The following VSTM2A variants were observed in gnomAD, a reference collection of about 807,000 sequenced individuals.
The protein encoded by VSTM2A is V-set and transmembrane domain-containing protein 2A.
Under a neutral mutation model 27.3 loss-of-function variants are expected in VSTM2A, and 13 were observed. That is an observed-to-expected ratio of 0.48 (90% CI 0.31 to 0.76). VSTM2A has a LOEUF of 0.76. VSTM2A is among the 30% of genes least tolerant of loss of function. The pLI, the probability that VSTM2A is intolerant of heterozygous loss-of-function variation, is 0.05. For synonymous variants in VSTM2A, 142 were observed against 125.7 expected (o/e 1.13, Z -0.87); for missense variants, 280 against 310.0 (o/e 0.90, Z 0.73).
At chr7:54,553,773 G>A (rs370087436) in intron 4 of VSTM2A, 28 of 1,503,204 alleles carry the variant, frequency 1.9e-5, no homozygotes, top group Admixed American at 6.1e-5. Context: ...GTCCCTCTTC[G>A]CAGAGAACAC....
intron 4 of VSTM2A, chr7:54,553,895 T>G: frequency 6.4e-7 from 1 of 1,551,234 alleles, no homozygotes; most frequent in South Asian, 1.2e-5. Context: ...AAGTCAAACA[T>G]CTCCACAGAC....
chr7:54,569,080 C>G (rs762190004), intron 4 of VSTM2A, 51 bp from the exon 5 acceptor site: 1 of 1,604,202 alleles, frequency 6.2e-7, no homozygotes, highest in Non-Finnish European at 8.5e-7. Flanking sequence ...GGGTGCTTTG[C>G]TTTAATCTAA....
chr7:54,559,489 C>T lies in VSTM2A; in HGVS notation c.634+9319C>T, dbSNP rs557324216. 7 of 152,194 alleles carry T rather than the reference C, an allele frequency of 4.6e-5. No individual in the cohort carries two copies. In the South Asian group the frequency reaches 1.2e-3, roughly 27 times the overall value. 9.4% of individuals were successfully genotyped at this position (152,194 alleles called of 1,614,324 possible). On this transcript the variant is annotated intron_variant, in intron 4 of 4. Transcript: ENST00000402613. The stretch of plus-strand genomic sequence containing the variant: ...TCTTGGCAAAAGTTTTCTAAATCAA[C>T]AAGCATCATAAAGGTTACAGTGAAT...
chr7:54,544,513 G>C (rs1027660878), intron 1 of VSTM2A, 109 bp from the exon 2 acceptor site: 1 of 1,344,912 alleles, frequency 7.4e-7, no homozygotes, highest in Admixed American at 1.8e-5. Context: ...ATGTAAGAGA[G>C]GGGTTTTGTT....
In VSTM2A at chr7:54,544,726, C is replaced by A; in HGVS notation, c.184C>A (p.Gln62Lys). 2 of 1,612,594 alleles carry A rather than the reference C, an allele frequency of 1.2e-6. No individual in the cohort carries two copies. Among genetic ancestry groups the A allele is most frequent in the Non-Finnish European group, 1.7e-6 (2 of 1,179,818 alleles). Reference sequence around the variant, plus strand: ...CTCCGCCTCGGTGTATCTGGAGATCCAATGGTGGTTCCTGCGGGGGCCGGA... The same window carrying A: ...CTCCGCCTCGGTGTATCTGGAGATCAAATGGTGGTTCCTGCGGGGGCCGGA... The part of the protein sequence containing the change: ...SGSASVYLEI[Q>K]WWFLRGPEDL... Residue 62 changes from glutamine to lysine, a missense_variant, in exon 2 of 5, where the codon CAA (glutamine) becomes AAA (lysine). Transcript: ENST00000402613.
In VSTM2A at chr7:54,570,301, A is replaced by G. The variant is rs1385018684; in HGVS notation, c.*1082A>G. On this transcript the variant is annotated 3_prime_UTR_variant, in exon 5 of 5. Transcript: ENST00000402613. The stretch of plus-strand genomic sequence containing the variant: ...CTTGTCAAATAGAAATGTTGCTTCT[A>G]GAAAATTTGCCTAGGAGGCGAATGT... 1 of 152,216 alleles carries G rather than the reference A, an allele frequency of 6.6e-6. No homozygotes were observed. Among genetic ancestry groups the G allele is most frequent in the Non-Finnish European group, 1.5e-5 (1 of 68,030 alleles). 9.4% of individuals were successfully genotyped at this position (152,216 alleles called of 1,614,324 possible).
At chr7:54,569,094 G>A in intron 4 of VSTM2A, 37 bp from the exon 5 acceptor site, 1 of 1,600,178 alleles carries the variant, frequency 6.2e-7, no homozygotes, top group South Asian at 1.1e-5. Flanking sequence ...AATCTAAAGT[G>A]CTGACTTTTT....
At chr7:54,548,998 T>C (rs898471836) in intron 3 of VSTM2A, among the ~76,000 whole-genome samples, 3 of 150,368 alleles carry the variant, frequency 2.0e-5, no homozygotes, top group Admixed American at 6.7e-5. Flanking sequence ...ACTGTTCTGA[T>C]AAAGATGCTT....
chr7:54,542,650 G>A lies in VSTM2A; in HGVS notation c.-81G>A, dbSNP rs1787818523. ...GTCGCGCCCAGGGCTCTGAGACTGA[G>A]CCTGCCATCCACTCGCACGCCTTTC... On this transcript the variant is annotated 5_prime_UTR_variant, in exon 1 of 5. Transcript: ENST00000402613. 7.7e-7 allele frequency: 1 copy of A among 1,292,194 alleles called. No individual in the cohort carries two copies. Among genetic ancestry groups the A allele is most frequent in the Non-Finnish European group, 1.1e-6 (1 of 901,816 alleles). The allele number at this position is 1,292,194 out of a possible 1,614,324, so 80.0% of individuals were successfully genotyped here. A position where few individuals can be genotyped will look rare whatever the true frequency, so the allele number is the denominator to read the frequency against.
chr7:54,562,473 G>A (rs1788592537), intron 4 of VSTM2A, among the ~76,000 whole-genome samples: 1 of 152,132 alleles, frequency 6.6e-6, no homozygotes, highest in Admixed American at 6.6e-5. Flanking sequence ...AGAGGGCGTG[G>A]ATAAGGAGAG....
At chr7:54,559,455 T>A (rs1000909543) in intron 4 of VSTM2A, 2 of 152,052 alleles carry the variant, frequency 1.3e-5, no homozygotes, top group Non-Finnish European at 2.9e-5. Flanking sequence ...AAAAAATTGA[T>A]AGGTATAATC....
intron 4 of VSTM2A, among the ~76,000 whole-genome samples, chr7:54,555,281 G>C (rs1024883219): frequency 1.3e-5 from 2 of 152,188 alleles, no homozygotes; most frequent in African/African-American, 4.8e-5. Flanking sequence ...TACAAGGGAC[G>C]TATCACAACA....
chr7:54,550,377 G>A (rs1226513439), intron 4 of VSTM2A: 1 of 1,387,636 alleles, frequency 7.2e-7, no homozygotes, highest in East Asian at 2.5e-5. Context: ...CAGTCCCCTA[G>A]TGGTGCTTCA....
chr7:54,549,106 GAAAT>G (rs1171819950), intron 3 of VSTM2A, among the ~76,000 whole-genome samples: 3 of 151,590 alleles, frequency 2.0e-5, no homozygotes, highest in Non-Finnish European at 2.9e-5. Flanking sequence ...CTTATTAGAA[GAAAT>G]AAATAAGCCA....
chr7:54,545,929 G>C (rs1231467937), intron 2 of VSTM2A, among the ~76,000 whole-genome samples: 1 of 67,198 alleles, frequency 1.5e-5, no homozygotes, highest in Admixed American at 1.3e-4. Context: ...GAGGTAAGAG[G>C]GGGGAAGGGG....
intron 2 of VSTM2A, 58 bp downstream of exon 2, chr7:54,544,846 C>A (rs1253139533): frequency 7.3e-6 from 11 of 1,509,006 alleles, no homozygotes; most frequent in Non-Finnish European, 9.7e-6. Context: ...TCAGGGTGTC[C>A]GGCCCGGGGC....
At position 54,547,036 on chromosome 7, in the gene VSTM2A, C is replaced by T. The variant is rs201106543; in HGVS notation, c.297+39C>T. 7.8e-3 allele frequency: 12,186 copies of T among 1,554,776 alleles called. 79 individuals carry two copies. The highest frequency in any genetic ancestry group is 9.4e-3 in the Middle Eastern group (55 of 5,878). ...GCGCCAAGGGCCGCGGGCCCAGGCT[C>T]GGGACGCACAGCCCTTCCCTGTCCC... On this transcript the variant is annotated intron_variant, in intron 3 of 4. Transcript: ENST00000402613.
chr7:54,550,414 C>T, intron 4 of VSTM2A: 1 of 1,113,294 alleles, frequency 9.0e-7, no homozygotes, highest in South Asian at 2.0e-5. Context: ...GAGCTGGACT[C>T]TGGTTTTTAT....
rs1788125999 is a variant in VSTM2A at position 54,549,936 on chromosome 7, T to C, written c.400T>C (p.Tyr134His). The change falls in exon 4 of 5, where the codon TAC becomes CAC. Residue 134 changes from tyrosine to histidine, a missense_variant. Physicochemically the swap from Tyr to His is moderately conservative, Grantham distance 83 (BLOSUM62 2). Coordinates refer to ENST00000402613, the MANE Select transcript of VSTM2A (RefSeq NM_001301009.2). The stretch of plus-strand genomic sequence containing the variant: ...TGAGTGCAGGGTGACTGATGCCAAC[T>C]ACGGGGAGCTTCAGGAACACAAGGC... ...LYECRVTDANYGELQEHKAQA... is the reference protein window; with the variant it reads ...LYECRVTDANHGELQEHKAQA... 1 of 1,613,692 alleles carries C rather than the reference T, an allele frequency of 6.2e-7. No individual in the cohort carries two copies. Among genetic ancestry groups the C allele is most frequent in the African/African-American group, 1.3e-5 (1 of 74,930 alleles).
Sources: allele counts gnomAD v4.1 joint callset (sites outside exome capture counted in the v4.1 genomes callset), GRCh38; gene constraint gnomAD v4.1.1; transcripts MANE v1.5; gene names NCBI Gene and HGNC (gene_info 2026-07-23, HGNC 2026-07-21).